The following RGS9 variants were observed in gnomAD, a reference collection of about 807,000 sequenced individuals.
RGS9 encodes regulator of G protein signaling 9, also known as regulator of G-protein signalling 9.
RGS9 carries 78 observed loss-of-function variants against 102.0 expected under a neutral mutation model. The observed-to-expected ratio is 0.76, with a 90% CI of 0.64 to 0.92. The LOEUF is 0.92. RGS9 is among the 40% of genes least tolerant of loss of function. RGS9 has a pLI of 0.00. For synonymous variants in RGS9, 353 were observed against 318.6 expected, an observed-to-expected ratio of 1.11 and a Z score of -1.15; for missense variants, 833 against 866.1, an observed-to-expected ratio of 0.96 and a Z score of 0.48.
In RGS9 at chr17:65,177,797, A is replaced by G. The variant is rs1256872924; in HGVS notation, c.648A>G (p.Val216=). 1 of 1,614,120 alleles carries G rather than the reference A, an allele frequency of 6.2e-7. No homozygotes were observed. Among genetic ancestry groups the G allele is most frequent in the South Asian group, 1.1e-5 (1 of 91,080 alleles). The change falls in exon 9 of 19, where the codon GTA becomes GTG. Residue 216 remains valine, a synonymous_variant. Transcript: ENST00000262406. ...TGACCAATCCGAATGAAGTCAAGGT[A>G]AACCAGGTATGTCTCTGCTGCATAG... ...DRVTNPNEVK[V]NQKQTVVAVK...
At chr17:65,144,127 C>T (rs1308223051) in intron 1 of RGS9, among the ~76,000 whole-genome samples, 3 of 151,968 alleles carry the variant, frequency 2.0e-5, no homozygotes, top group Admixed American at 6.6e-5. Flanking sequence ...GGTGAGACAG[C>T]GGGAGGGTGG....
At chr17:65,178,006 C>T (rs528101131) in intron 9 of RGS9, among the ~76,000 whole-genome samples, 2 of 152,286 alleles carry the variant, frequency 1.3e-5, no homozygotes, top group African/African-American at 4.8e-5. Flanking sequence ...GAAATTACGA[C>T]TGAAGACAGA....
intron 1 of RGS9, among the ~76,000 whole-genome samples, chr17:65,142,947 G>T (rs560171328): frequency 3.3e-5 from 5 of 151,526 alleles, no homozygotes; most frequent in African/African-American, 1.2e-4. Flanking sequence ...TTTAGAGATG[G>T]GTTTTCACTA....
intron 8 of RGS9, among the ~76,000 whole-genome samples, chr17:65,177,299 G>T (rs1372488574): frequency 1.3e-4 from 19 of 149,664 alleles, no homozygotes; most frequent in Non-Finnish European, 1.5e-5. Context: ...CAACTCTGGT[G>T]CTGGGAATGC....
At chr17:65,189,138 G>A in intron 9 of RGS9, 148 bp from the exon 10 acceptor site, 2 of 686,358 alleles carry the variant, frequency 2.9e-6, no homozygotes, top group South Asian at 3.4e-5. Flanking sequence ...ATAGAGTGGA[G>A]GCAGTAGACA....
intron 12 of RGS9, 148 bp from the exon 13 acceptor site, chr17:65,196,978 A>C (rs866171731): frequency 4.4e-6 from 3 of 687,360 alleles, no homozygotes; most frequent in Middle Eastern, 3.8e-4. Flanking sequence ...CTAGCAAGTG[A>C]TTACTTGGCT....
At chr17:65,162,565 C>G (rs935817346) in intron 6 of RGS9, among the ~76,000 whole-genome samples, 6 of 152,014 alleles carry the variant, frequency 3.9e-5, no homozygotes, top group Non-Finnish European at 8.8e-5. Flanking sequence ...CAGGTTCATG[C>G]CATTCTCCTG....
At chr17:65,160,686 C>T in intron 5 of RGS9, 99 bp downstream of exon 5, 1 of 1,462,240 alleles carries the variant, frequency 6.8e-7, no homozygotes, top group Non-Finnish European at 9.5e-7. Context: ...TCATCATGAC[C>T]TTTCTGTCAG....
At chr17:65,199,513 T>C (rs1912735584) in intron 13 of RGS9, among the ~76,000 whole-genome samples, 1 of 111,910 alleles carries the variant, frequency 8.9e-6, no homozygotes, top group Non-Finnish European at 1.7e-5. Context: ...TTTTTTTTTT[T>C]GACAAATTCT....
Position 65,189,335 on chromosome 17 carries a change from C to T in RGS9, c.684+20C>T. 6.3e-7 allele frequency: 1 copy of T among 1,587,264 alleles called. No homozygotes were observed. Among genetic ancestry groups the T allele is most frequent in the Non-Finnish European group, 8.7e-7 (1 of 1,155,624 alleles). ...AAAGAGGTAATTAGTCTTACACTTC[C>T]AGTGAAGAATGGTTTTAAATCTTCT... On this transcript the variant is annotated intron_variant, in intron 10 of 18. Coordinates refer to ENST00000262406, the MANE Select transcript of RGS9 (RefSeq NM_003835.4).
chr17:65,189,471 G>T (rs1464389163), intron 10 of RGS9, among the ~76,000 whole-genome samples, 156 bp downstream of exon 10: 1 of 152,216 alleles, frequency 6.6e-6, no homozygotes, highest in Non-Finnish European at 1.5e-5. Flanking sequence ...GAGTGACGAA[G>T]CATCTTCTGT....
chr17:65,172,407 G>A (rs1768738916), intron 8 of RGS9, among the ~76,000 whole-genome samples: 3 of 152,122 alleles, frequency 2.0e-5, no homozygotes, highest in Admixed American at 2.0e-4. Context: ...GTTTCACCAT[G>A]TTGGCCAGGC....
At chr17:65,138,359 G>T (rs76885698) in intron 1 of RGS9, among the ~76,000 whole-genome samples, 1 of 152,122 alleles carries the variant, frequency 6.6e-6, no homozygotes, top group East Asian at 1.9e-4. Context: ...TTTTCACAGC[G>T]TAGTGTCCAT....
At chr17:65,185,065 C>A (rs1339018513) in intron 9 of RGS9, among the ~76,000 whole-genome samples, 1 of 152,110 alleles carries the variant, frequency 6.6e-6, no homozygotes, top group Non-Finnish European at 1.5e-5. Context: ...ACCACTCCCT[C>A]CAAATCAATT....
At chr17:65,216,748 A>G (rs1475880317) in intron 17 of RGS9, among the ~76,000 whole-genome samples, 4 of 152,208 alleles carry the variant, frequency 2.6e-5, no homozygotes, top group Admixed American at 2.6e-4. Flanking sequence ...TTCCTGTTCT[A>G]GGCATAACGG....
intron 16 of RGS9, among the ~76,000 whole-genome samples, chr17:65,208,208 C>T (rs986325944): frequency 2.0e-5 from 3 of 152,154 alleles, no homozygotes; most frequent in African/African-American, 7.2e-5. Flanking sequence ...TTAGTAATTA[C>T]CACCACTAAG....
intron 13 of RGS9, among the ~76,000 whole-genome samples, chr17:65,200,868 G>T (rs1912805595): frequency 6.6e-6 from 1 of 152,170 alleles, no homozygotes; most frequent in Admixed American, 6.5e-5. Flanking sequence ...AAGGTATCAT[G>T]AATCCATAAA....
chr17:65,148,946 G>C (rs187087174), intron 1 of RGS9, among the ~76,000 whole-genome samples: 58 of 150,052 alleles, frequency 3.9e-4, no homozygotes, highest in Non-Finnish European at 6.9e-4. Context: ...ACGATGATTG[G>C]TTTTGGTGTT....
At chr17:65,217,966 C>T (rs1598009565) in intron 17 of RGS9, among the ~76,000 whole-genome samples, 1 of 152,154 alleles carries the variant, frequency 6.6e-6, no homozygotes, top group East Asian at 1.9e-4. Flanking sequence ...AGTGTGGCTA[C>T]AGAAGCAAGG....
Sources: gnomAD v4.1 joint callset for allele counts (sites outside exome capture counted in the v4.1 genomes callset) on GRCh38, gnomAD v4.1.1 for gene constraint, MANE v1.5 for transcripts, NCBI Gene and HGNC (gene_info 2026-07-23, HGNC 2026-07-21) for gene names.